Variants in USH2A observed in about 807,000 individuals in gnomAD.
USH2A encodes Usher syndrome 2A (autosomal recessive, mild).
Under a neutral mutation model 538.9 loss-of-function variants are expected in USH2A, and 443 were observed. That is an observed-to-expected ratio of 0.82 (90% CI 0.76 to 0.89). The LOEUF is 0.89. USH2A is among the 40% of genes least tolerant of loss of function. The probability of loss-of-function intolerance (pLI) is 0.00; values close to 1 mark genes in which losing one functional copy is unlikely to be tolerated. For synonymous variants in USH2A, 2,413 were observed against 2,273.5 expected (o/e 1.06, Z -1.75); for missense variants, 6,633 against 6,324.8 (o/e 1.05, Z -1.65).
intron 6 of USH2A, among the ~76,000 whole-genome samples, chr1:216,324,707 T>C (rs923580985): frequency 2.6e-5 from 4 of 152,206 alleles, no homozygotes; most frequent in Non-Finnish European, 1.5e-5. Flanking sequence ...ATTTTCAACA[T>C]TTCATAAATA....
intron 21 of USH2A, among the ~76,000 whole-genome samples, chr1:216,113,085 G>A (rs12562620): frequency 0.34 from 50,439 of 146,950 alleles, 9,734 homozygotes; most frequent in East Asian, 0.82. Context: ...ATCTGTAGCT[G>A]TCTAAATGTG....
chr1:216,106,321 AT>A (rs2032731450), intron 21 of USH2A, among the ~76,000 whole-genome samples: 1 of 142,286 alleles, frequency 7.0e-6, no homozygotes, highest in African/African-American at 2.9e-5. Flanking sequence ...TGTATACTAT[AT>A]ATATATATAT....
At chr1:216,200,557 A>G (rs1439863629) in intron 16 of USH2A, among the ~76,000 whole-genome samples, 3 of 152,110 alleles carry the variant, frequency 2.0e-5, no homozygotes, top group Non-Finnish European at 4.4e-5. Flanking sequence ...TGAATGGAAA[A>G]TTTTCTTATT....
intron 61 of USH2A, among the ~76,000 whole-genome samples, chr1:215,683,648 A>C (rs1156695283): frequency 6.6e-6 from 1 of 152,184 alleles, no homozygotes; most frequent in African/African-American, 2.4e-5. Context: ...AACTAGGAAA[A>C]GTCATCACTA....
At chr1:216,131,911 C>T (rs1037544694) in intron 21 of USH2A, among the ~76,000 whole-genome samples, 5 of 151,988 alleles carry the variant, frequency 3.3e-5, no homozygotes, top group Non-Finnish European at 7.4e-5. Flanking sequence ...CTTTAATCCT[C>T]CTAATAATAG....
intron 61 of USH2A, among the ~76,000 whole-genome samples, chr1:215,699,943 T>C (rs2102688857): frequency 6.6e-6 from 1 of 152,352 alleles, no homozygotes; most frequent in African/African-American, 2.4e-5. Context: ...GGCTGTGGGT[T>C]TGTCATAAAT....
At chr1:216,097,934 C>A (rs2102573621) in intron 21 of USH2A, among the ~76,000 whole-genome samples, 1 of 151,372 alleles carries the variant, frequency 6.6e-6, no homozygotes, top group East Asian at 2.0e-4. Flanking sequence ...TACATGGCCC[C>A]ATCTCCAGTC....
intron 64 of USH2A, among the ~76,000 whole-genome samples, chr1:215,655,965 A>T (rs1207123710): frequency 6.6e-6 from 1 of 151,652 alleles, no homozygotes; most frequent in Non-Finnish European, 1.5e-5. Context: ...CAAACTCCTG[A>T]CCTAGTGATC....
At chr1:216,045,522 T>C (rs2030472367) in intron 32 of USH2A, among the ~76,000 whole-genome samples, 1 of 152,136 alleles carries the variant, frequency 6.6e-6, no homozygotes, top group African/African-American at 2.4e-5. Flanking sequence ...ATTCGTGTGG[T>C]ACAGAAGTAA....
At position 216,373,074 on chromosome 1, in the gene USH2A, C is replaced by T. The variant is rs748096546; in HGVS notation, c.652-7989G>A. Among the ~76,000 whole-genome samples the T allele has an allele frequency of 4.9e-4, 75 of 152,260 alleles. 1 individual carries two copies. Among genetic ancestry groups the T allele is most frequent in the Non-Finnish European group, 9.6e-4 (65 of 68,014 alleles). ...AAGAAAACTGCTCTTCATACTCTCA[C>T]TAAAATCCAATCACTTGTTTGAAAA... On this transcript the variant is annotated intron_variant, in intron 3 of 71. Coordinates refer to ENST00000307340, the MANE Select transcript of USH2A (RefSeq NM_206933.4).
At chr1:215,667,489 G>A (rs1466512353) in intron 64 of USH2A, among the ~76,000 whole-genome samples, 3 of 152,026 alleles carry the variant, frequency 2.0e-5, no homozygotes, top group Admixed American at 6.5e-5. Context: ...ACGAAGTTAG[G>A]AGTTCAAGAC....
intron 44 of USH2A, among the ~76,000 whole-genome samples, chr1:215,863,481 A>T (rs1017289051): frequency 7.9e-5 from 12 of 152,248 alleles, no homozygotes; most frequent in African/African-American, 2.4e-4. Context: ...CAAACCTGGT[A>T]GTTTCTGATT....
intron 58 of USH2A, among the ~76,000 whole-genome samples, chr1:215,757,889 T>G (rs552225858): frequency 7.2e-5 from 11 of 152,094 alleles, no homozygotes; most frequent in Non-Finnish European, 1.5e-4. Context: ...ATTCACTGAT[T>G]TAATATAAAA....
chr1:215,803,212 A>C (rs887607853), intron 49 of USH2A, among the ~76,000 whole-genome samples: 5 of 152,196 alleles, frequency 3.3e-5, no homozygotes, highest in African/African-American at 1.2e-4. Context: ...ATTCCCTTTG[A>C]AAACGGGCAC....
chr1:215,720,279 G>C (rs1008317865), intron 61 of USH2A, among the ~76,000 whole-genome samples: 1 of 152,114 alleles, frequency 6.6e-6, no homozygotes, highest in Admixed American at 6.5e-5. Flanking sequence ...CCCTTTCAAG[G>C]CATGCAAGGA....
intron 13 of USH2A, among the ~76,000 whole-genome samples, chr1:216,244,758 G>A (rs536484794): frequency 6.6e-6 from 1 of 152,248 alleles, no homozygotes; most frequent in South Asian, 2.1e-4. Context: ...TTGAGATGAT[G>A]GATTGGGTCT....
intron 11 of USH2A, among the ~76,000 whole-genome samples, chr1:216,268,099 AAAGT>A (rs1261414787): frequency 4.6e-5 from 7 of 152,124 alleles, no homozygotes; most frequent in African/African-American, 9.7e-5. Flanking sequence ...CATAAAAGGG[AAAGT>A]AAGTGACTTA....
At chr1:215,973,612 C>G (rs751197598) in intron 35 of USH2A, among the ~76,000 whole-genome samples, 2 of 151,518 alleles carry the variant, frequency 1.3e-5, no homozygotes, top group South Asian at 4.2e-4. Flanking sequence ...CTTCTACATC[C>G]TCTCTCAGTG....
chr1:215,893,801 A>G (rs532594207), intron 40 of USH2A, among the ~76,000 whole-genome samples: 2 of 152,262 alleles, frequency 1.3e-5, no homozygotes, highest in Admixed American at 1.3e-4. Context: ...GGTGGATAGA[A>G]TTTTTGATTA....
Sources: allele counts gnomAD v4.1 joint callset (sites outside exome capture counted in the v4.1 genomes callset), GRCh38; gene constraint gnomAD v4.1.1; transcripts MANE v1.5; gene names NCBI Gene and HGNC (gene_info 2026-07-23, HGNC 2026-07-21).